ASIC3: variants seen among roughly 807,000 people sequenced by gnomAD.
ASIC3 encodes the protein acid sensing ion channel subunit 3, also known as acid-sensing ion channel 3.
A neutral mutation model predicts 58.6 loss-of-function variants in ASIC3; 46 were observed. The ratio of observed to expected loss-of-function variants is 0.79; its 90% CI spans 0.62 to 1.00. The LOEUF (loss-of-function observed/expected upper bound fraction) is 1.00. ASIC3 is among the 50% of genes least tolerant of loss of function. The pLI is 0.00. For synonymous variants in ASIC3, 336 were observed against 300.2 expected, an observed-to-expected ratio of 1.12 and a Z score of -1.23; for missense variants, 770 against 735.0, an observed-to-expected ratio of 1.05 and a Z score of -0.55.
rs1388440748 is a variant in ASIC3 at position 151,051,851 on chromosome 7, A to G, written c.1256A>G (p.Asn419Ser). 1 of 1,613,714 alleles carries G rather than the reference A, an allele frequency of 6.2e-7. No homozygotes were observed. Among genetic ancestry groups the G allele is most frequent in the African/African-American group, 1.3e-5 (1 of 74,934 alleles). The stretch of plus-strand genomic sequence containing the variant: ...CTGGACATCTTCTTTGAGGCCCTCA[A>G]CTATGAGACCGTGGAGCAGAAGAAG... Reference protein sequence around the residue: ...LALDIFFEALNYETVEQKKAY... With the variant: ...LALDIFFEALSYETVEQKKAY... The change falls in exon 7 of 11, where the codon AAC becomes AGC. Residue 419 changes from asparagine to serine, a missense_variant. Coordinates refer to ENST00000349064, the MANE Select transcript of ASIC3 (RefSeq NM_004769.4).
chr7:151,052,322 C>T lies in ASIC3; in HGVS notation c.1458+85C>T. 6.2e-7 allele frequency: 1 copy of T among 1,612,498 alleles called. No homozygotes were observed. Among genetic ancestry groups the T allele is most frequent in the Non-Finnish European group, 8.5e-7 (1 of 1,179,250 alleles). ...AGCCTAGACCACCATCCCGCCCCAG[C>T]TGAGGAGAAACAGGCAGGAGGGTGT... On this transcript the variant is annotated intron_variant, in intron 9 of 10. Transcript: ENST00000349064. This position sits in a 1 kb window ranked among gnomAD's most constrained non-coding sequence, Gnocchi z 5.0.
Position 151,048,842 on chromosome 7 carries a change from T to G in ASIC3, c.-44T>G. The stretch of plus-strand genomic sequence containing the variant: ...AGCCCCCTGACTGACTCTCTCTCGC[T>G]TCTTCCAAGCCTCTGTAGCTGGTTC... On this transcript the variant is annotated 5_prime_UTR_variant, in exon 1 of 11. Transcript: ENST00000349064. 6.6e-7 allele frequency: 1 copy of G among 1,517,022 alleles called. No individual in the cohort carries two copies. Among genetic ancestry groups the G allele is most frequent in the Non-Finnish European group, 8.8e-7 (1 of 1,133,072 alleles). 94.0% of individuals were successfully genotyped at this position (1,517,022 alleles called of 1,614,324 possible).
At chr7:151,051,680 C>T (rs925764072) in intron 6 of ASIC3, 130 bp from the exon 7 acceptor site, 3 of 904,138 alleles carry the variant, frequency 3.3e-6, no homozygotes, top group Non-Finnish European at 5.2e-6. Context: ...GCAGGGAGTA[C>T]AGGTGTGAGC....
At position 151,052,537 on chromosome 7, in the gene ASIC3, G is replaced by T; in HGVS notation, c.1518-37G>T. The T allele has an allele frequency of 1.2e-6, 2 of 1,613,598 alleles. No homozygotes were observed. Among genetic ancestry groups the T allele is most frequent in the Non-Finnish European group, 8.5e-7 (1 of 1,179,732 alleles). On this transcript the variant is annotated intron_variant, in intron 10 of 10. Coordinates refer to ENST00000349064, the MANE Select transcript of ASIC3 (RefSeq NM_004769.4). The surrounding 1 kb of genome is among the most constrained non-coding windows in gnomAD (Gnocchi z 5.0). ...GGGGCAGGCTCAGGACAGTGGGTGT[G>T]CCCGTTCCCACCCCAGCACTCTGCT... is the stretch of plus-strand genomic sequence containing the variant.
rs760597883 is a variant in ASIC3, at chr7:151,051,287, C to G, written c.1182C>G (p.Ala394=). Residue 394 remains alanine, a synonymous_variant, in exon 6 of 11, where the codon GCC becomes GCG. Coordinates refer to ENST00000349064, the MANE Select transcript of ASIC3 (RefSeq NM_004769.4). ...GCCGCGCCGCCGCGCGCTTCCTGGC[C>G]CGGAAGCTCAACCGCAGCGAGGCCT... ...IPSRAAARFL[A]RKLNRSEAYI... 11 of 1,524,346 alleles carry G rather than the reference C, an allele frequency of 7.2e-6. No individual in the cohort carries two copies. Among genetic ancestry groups the G allele is most frequent in the Middle Eastern group, 2.1e-4 (1 of 4,736 alleles). The allele number at this position is 1,524,346 out of a possible 1,614,324, so 94.4% of individuals were successfully genotyped here.
rs1387526209 is a variant in ASIC3, at chr7:151,052,555, ACTCTG to A, written c.1518-13_1518-9del. ...TGGGTGTGCCCGTTCCCACCCCAGC[ACTCTG>A]CTCTGTTCCGAAGACCTCCCACCCC... On this transcript the variant is annotated splice_polypyrimidine_tract_variant and intron_variant, in intron 10 of 10. Coordinates refer to ENST00000349064, the MANE Select transcript of ASIC3 (RefSeq NM_004769.4). This position sits in a 1 kb window ranked among gnomAD's most constrained non-coding sequence, Gnocchi z 5.0. 3.7e-6 allele frequency: 6 copies of A among 1,612,684 alleles called. No individual in the cohort carries two copies. The highest frequency in any genetic ancestry group is 3.3e-5 in the South Asian group (3 of 90,932).
Position 151,050,784 on chromosome 7 carries a change from C to T in ASIC3, c.840C>T (p.Gly280=), listed in dbSNP as rs1184320736. The change falls in exon 4 of 11, where the codon GGC becomes GGT. Residue 280 remains glycine, a synonymous_variant. Coordinates refer to ENST00000349064, the MANE Select transcript of ASIC3 (RefSeq NM_004769.4). ...TGAGCTTCCTGCCACCGCCCTGGGG[C>T]GATTGCAGTTCAGCATCTCTGAACC... ...QQLSFLPPPW[G]DCSSASLNPN... 3 of 1,613,758 alleles carry T rather than the reference C, an allele frequency of 1.9e-6. No homozygotes were observed. Among genetic ancestry groups the T allele is most frequent in the South Asian group, 2.2e-5 (2 of 91,094 alleles).
Position 151,052,634 on chromosome 7 carries a change from C to T in ASIC3, c.1578C>T (p.Tyr526=). The T allele has an allele frequency of 1.2e-6, 2 of 1,614,132 alleles. No individual in the cohort carries two copies. The highest frequency in any genetic ancestry group is 2.2e-5 in the South Asian group (2 of 91,082). The stretch of plus-strand genomic sequence containing the variant: ...TCTCCGCCTCCCACCGCACCTGCTA[C>T]CTTGTCACACAGCTCTAGACCTGCT... ...KTLSASHRTC[Y]LVTQL The change falls in exon 11 of 11, where the codon TAC becomes TAT. Residue 526 remains tyrosine (Y), a synonymous_variant. Transcript: ENST00000349064. The surrounding 1 kb of genome is among the most constrained non-coding windows in gnomAD (Gnocchi z 5.0).
Position 151,051,831 on chromosome 7 carries a change from C to T in ASIC3, c.1236C>T (p.Asp412=). 1 of 1,613,736 alleles carries T rather than the reference C, an allele frequency of 6.2e-7. No individual in the cohort carries two copies. Among genetic ancestry groups the T allele is most frequent in the Non-Finnish European group, 8.5e-7 (1 of 1,179,980 alleles). Residue 412 remains aspartate (D), a synonymous_variant, in exon 7 of 11, where the codon GAC becomes GAT. Coordinates refer to ENST00000349064, the MANE Select transcript of ASIC3 (RefSeq NM_004769.4). ...TCAGGGAGAACGTGCTGGCCCTGGA[C>T]ATCTTCTTTGAGGCCCTCAACTATG... ...AYIAENVLAL[D]IFFEALNYET...
At position 151,051,031 on chromosome 7, in the gene ASIC3, A is replaced by G; in HGVS notation, c.1010-8A>G. The G allele has an allele frequency of 6.2e-7, 1 of 1,613,162 alleles. No individual in the cohort carries two copies. On this transcript the variant is annotated splice_polypyrimidine_tract_variant and splice_region_variant and intron_variant, in intron 4 of 10. Coordinates refer to ENST00000349064, the MANE Select transcript of ASIC3 (RefSeq NM_004769.4). ...CTGCTTCTAAAGCCATCTCCCCGGT[A>G]CCCGCAGGCGACGTGCCAGTGTGCA...
Position 151,052,588 on chromosome 7 carries a change from C to G in ASIC3, c.1532C>G (p.Pro511Arg), listed in dbSNP as rs760579144. 3.1e-6 allele frequency: 5 copies of G among 1,614,122 alleles called. No individual in the cohort carries two copies. Among genetic ancestry groups the G allele is most frequent in the Non-Finnish European group, 3.4e-6 (4 of 1,179,990 alleles). ...LSLGPRPPTP[P>R]CAVTKTLSAS... ...CTGTTCCGAAGACCTCCCACCCCTCCCTGTGCCGTCACCAAGACTCTCTCC... is the reference window on the plus strand; with the variant it reads ...CTGTTCCGAAGACCTCCCACCCCTCGCTGTGCCGTCACCAAGACTCTCTCC... The change falls in exon 11 of 11, where the codon CCC (proline) becomes CGC (arginine). Residue 511 changes from proline to arginine, a missense_variant. By Grantham distance (103) the Pro-to-Arg change is moderately radical (BLOSUM62 -2). Coordinates refer to ENST00000349064, the MANE Select transcript of ASIC3 (RefSeq NM_004769.4). This position sits in a 1 kb window ranked among gnomAD's most constrained non-coding sequence, Gnocchi z 5.0.
At position 151,049,146 on chromosome 7, in the gene ASIC3, G is replaced by C. The variant is rs376911803; in HGVS notation, c.261G>C (p.Pro87=). 1 of 1,613,846 alleles carries C rather than the reference G, an allele frequency of 6.2e-7. No homozygotes were observed. Among genetic ancestry groups the C allele is most frequent in the East Asian group, 2.2e-5 (1 of 44,876 alleles). ...DERESHRLIF[P]AVTLCNINPL... ...GAGAAAGCCACCGGCTCATCTTCCC[G>C]GCTGTCACCCTGTGCAACATCAACC... The change falls in exon 1 of 11, where the codon CCG becomes CCC. Residue 87 remains proline (P), a synonymous_variant. Transcript: ENST00000349064.
rs1405006923 is a variant in ASIC3 at position 151,052,486 on chromosome 7, T to A, written c.1517+12T>A. ...AGCCTGGGCCCCAGGTAACACATAA[T>A]GGCCCCCTAAAATCAAGGGAGGGCA... On this transcript the variant is annotated intron_variant, in intron 10 of 10. Transcript: ENST00000349064. This position sits in a 1 kb window ranked among gnomAD's most constrained non-coding sequence, Gnocchi z 5.0. The A allele has an allele frequency of 1.2e-6, 2 of 1,613,984 alleles. No homozygotes were observed. The highest frequency in any genetic ancestry group is 4.5e-5 in the East Asian group (2 of 44,884).
chr7:151,051,127 C>A (rs1356238984), intron 5 of ASIC3, 32 bp downstream of exon 5: 1 of 1,601,634 alleles, frequency 6.2e-7, no homozygotes, highest in Non-Finnish European at 8.5e-7. Context: ...CTCCCGTCCG[C>A]CCCGCTCCGC....
rs1455997266 is a variant in ASIC3 at position 151,048,604 on chromosome 7, G to A, written c.-282G>A. The A allele has an allele frequency of 9.3e-6, 4 of 428,564 alleles. No homozygotes were observed. Among genetic ancestry groups the A allele is most frequent in the East Asian group, 6.8e-5 (2 of 29,218 alleles). The allele number at this position is 428,564 out of a possible 1,614,324, so 26.5% of individuals were successfully genotyped here. On this transcript the variant is annotated 5_prime_UTR_variant, in exon 1 of 11. Transcript: ENST00000349064. Reference sequence around the variant, plus strand: ...GCCCCTGCCTGCCACGGTCAGCTACGTCCCACCTGGTCTGCTGCGGAGTCC... The same window carrying A: ...GCCCCTGCCTGCCACGGTCAGCTACATCCCACCTGGTCTGCTGCGGAGTCC...
In ASIC3 at chr7:151,052,267, T is replaced by C. The variant is rs1796801276; in HGVS notation, c.1458+30T>C. On this transcript the variant is annotated intron_variant, in intron 9 of 10. Coordinates refer to ENST00000349064, the MANE Select transcript of ASIC3 (RefSeq NM_004769.4). The surrounding 1 kb of genome is among the most constrained non-coding windows in gnomAD (Gnocchi z 5.0). ...CAGCCCCTCTTCTGGAGCCCTTGCC[T>C]GCTCCAAGGGTGCTAGGGCCCACCC... 6.2e-7 allele frequency: 1 copy of C among 1,613,770 alleles called. No individual in the cohort carries two copies. Among genetic ancestry groups the C allele is most frequent in the Non-Finnish European group, 8.5e-7 (1 of 1,179,960 alleles).
Position 151,050,262 on chromosome 7 carries a change from G to A in ASIC3, c.685+6G>A, listed in dbSNP as rs957235782. On this transcript the variant is annotated splice_donor_region_variant and intron_variant, in intron 2 of 10. Transcript: ENST00000349064. ...ACCTGTGTGGAGGGACAATGGTAGGGAGCACACAAATGAGGCTGGGGGAGG... is the reference window on the plus strand; with the variant it reads ...ACCTGTGTGGAGGGACAATGGTAGGAAGCACACAAATGAGGCTGGGGGAGG... 4.3e-6 allele frequency: 7 copies of A among 1,609,846 alleles called. No individual in the cohort carries two copies. The African/African-American group carries it at 9.4e-5, about 22-fold the overall frequency.
chr7:151,049,026 G>T lies in ASIC3; in HGVS notation c.141G>T (p.Ala47=). 6.2e-7 allele frequency: 1 copy of T among 1,613,542 alleles called. No homozygotes were observed. Among genetic ancestry groups the T allele is most frequent in the South Asian group, 1.1e-5 (1 of 91,088 alleles). The change falls in exon 1 of 11, where the codon GCG becomes GCT. Residue 47 remains alanine (A), a synonymous_variant. Transcript: ENST00000349064. ...GCCTGCGCCGGGGGATGTGGGCAGCGGCCGTGGTCCTGTCAGTGGCCACCT... is the reference window on the plus strand; with the variant it reads ...GCCTGCGCCGGGGGATGTGGGCAGCTGCCGTGGTCCTGTCAGTGGCCACCT... The part of the protein sequence containing the change: ...SLSLRRGMWA[A]AVVLSVATFL...
Position 151,048,825 on chromosome 7 carries a change from G to T in ASIC3, c.-61G>T. On this transcript the variant is annotated 5_prime_UTR_variant, in exon 1 of 11. Coordinates refer to ENST00000349064, the MANE Select transcript of ASIC3 (RefSeq NM_004769.4). ...CCTATCTTAGCCTCCTTAGCCCCCT[G>T]ACTGACTCTCTCTCGCTTCTTCCAA... 6.6e-7 allele frequency: 1 copy of T among 1,510,280 alleles called. No homozygotes were observed. The highest frequency in any genetic ancestry group is 1.3e-5 in the South Asian group (1 of 75,512). The allele number at this position is 1,510,280 out of a possible 1,614,324, so 93.6% of individuals were successfully genotyped here.
Sources: gnomAD v4.1 joint callset for allele counts on GRCh38, gnomAD v4.1.1 for gene constraint, Gnocchi (gnomAD v3.1) non-coding constraint, MANE v1.5 for transcripts, NCBI Gene and HGNC (gene_info 2026-07-23, HGNC 2026-07-21) for gene names.